ZNF177: variants seen among roughly 807,000 people sequenced by gnomAD.
ZNF177 encodes the protein zinc finger protein 177.
In ZNF177, 17 loss-of-function variants were observed where a neutral mutation model predicts 19.4. The ratio of observed to expected loss-of-function variants is 0.87; its 90% CI spans 0.60 to 1.31. The LOEUF is 1.31. Ranked by LOEUF, ZNF177 falls within the 40% of genes most tolerant of loss-of-function variation. The pLI is 0.00. For synonymous variants in ZNF177, 220 were observed against 188.7 expected (o/e 1.17, Z -1.36); for missense variants, 633 against 561.8 (o/e 1.13, Z -1.28).
exon 6 of ZNF177, chr19:9,382,047 TC>T (rs1405316312): frequency 4.4e-6 from 2 of 458,946 alleles, no homozygotes; most frequent in African/African-American, 2.0e-5. Context: ...CACATGGTCT[TC>T]AATATGTAGA....
chr19:9,380,956 T>C (rs1372923846), exon 6 of ZNF177: 2 of 1,538,806 alleles, frequency 1.3e-6, no homozygotes, highest in African/African-American at 1.4e-5. Context: ...GTATGAGCAA[T>C]GTGATATGTC....
At chr19:9,380,558 G>A in intron 5 of ZNF177, 110 bp from the exon 8 acceptor site, 1 of 1,531,776 alleles carries the variant, frequency 6.5e-7, no homozygotes. Context: ...ACACATGTCA[G>A]TCATGATCAT....
chr19:9,373,855 A>G (rs73508726), upstream of ZNF177, among the ~76,000 whole-genome samples: 2,555 of 151,892 alleles, frequency 0.017, 70 homozygotes, highest in African/African-American at 0.058. Context: ...CTCCCATTCC[A>G]TAAGGTTGCT....
intron 1 of ZNF177, among the ~76,000 whole-genome samples, chr19:9,377,305 C>T (rs1219547414): frequency 6.6e-6 from 1 of 152,026 alleles, no homozygotes; most frequent in Non-Finnish European, 1.5e-5. Context: ...TAATAAGTGA[C>T]CACATTACTG....
At position 9,379,908 on chromosome 19, in the gene ZNF177, T is replaced by G. The variant is rs569972435; in HGVS notation, c.254-149T>G. The stretch of plus-strand genomic sequence containing the variant: ...CTCCCATTTCTACTGCTTGTTCCTA[T>G]CACTGGTGAATCACTGGTTGTGTCT... On this transcript the variant is annotated intron_variant, in intron 4 of 5. Transcript: ENST00000589262. The G allele has an allele frequency of 6.2e-6, 6 of 965,878 alleles. No individual in the cohort carries two copies. In the East Asian group the frequency reaches 1.6e-4, roughly 26 times the overall value. 59.8% of individuals were successfully genotyped at this position (965,878 alleles called of 1,614,324 possible).
upstream of ZNF177, among the ~76,000 whole-genome samples, chr19:9,375,140 A>G (rs1166226436): frequency 2.6e-5 from 4 of 152,202 alleles, no homozygotes; most frequent in Admixed American, 6.5e-5. Context: ...GATGTATCAC[A>G]TTGATTTTGC....
chr19:9,370,250 CCA>C (rs776188493), intron 2 of ZNF177, among the ~76,000 whole-genome samples: 3 of 152,096 alleles, frequency 2.0e-5, no homozygotes, highest in Non-Finnish European at 4.4e-5. Context: ...CTTCCAAATT[CCA>C]CAGTCACAAA....
rs1227175414 is a variant in ZNF177, at chr19:9,379,421, G to T, written c.161-106G>T. ...TTTTGTTGTTCCTAAAGCTGCACTT[G>T]ACTATTTTAATAATCCTTTAGTTAA... On this transcript the variant is annotated intron_variant, in intron 3 of 5. Transcript: ENST00000589262. The T allele has an allele frequency of 1.1e-5, 15 of 1,402,270 alleles. No homozygotes were observed. In the East Asian group the frequency reaches 3.7e-4, roughly 35 times the overall value. The allele number at this position is 1,402,270 out of a possible 1,614,324, so 86.9% of individuals were successfully genotyped here.
chr19:9,371,072 C>T (rs923061007), intron 2 of ZNF177, among the ~76,000 whole-genome samples: 2 of 152,192 alleles, frequency 1.3e-5, no homozygotes, highest in Admixed American at 1.3e-4. Flanking sequence ...TTGAATAATG[C>T]TGGGTTTTCC....
chr19:9,373,059 C>G (rs953401053), upstream of ZNF177, among the ~76,000 whole-genome samples: 3 of 152,148 alleles, frequency 2.0e-5, no homozygotes, highest in Non-Finnish European at 2.9e-5. Context: ...TACAGTACAT[C>G]ATTAACTATA....
chr19:9,381,184 G>A, exon 6 of ZNF177: 1 of 1,614,198 alleles, frequency 6.2e-7, no homozygotes, highest in East Asian at 2.2e-5. Flanking sequence ...GATGCCCTAT[G>A]AATGCAGTGA....
intron 1 of ZNF177, among the ~76,000 whole-genome samples, 160 bp from the exon 2 acceptor site, chr19:9,364,702 G>T (rs2067954069): frequency 6.6e-6 from 1 of 152,166 alleles, no homozygotes; most frequent in Admixed American, 6.5e-5. Context: ...GCTGAAAGGG[G>T]TGTCTTGTAC....
exon 6 of ZNF177, chr19:9,381,228 TAAG>T (rs776719609): frequency 8.1e-6 from 13 of 1,613,974 alleles, no homozygotes; most frequent in African/African-American, 4.0e-5. Context: ...AGTCTTCCCT[TAAG>T]AAACACATGA....
At chr19:9,382,537 CT>C, downstream of ZNF177, 1 of 396,810 alleles carries the variant, frequency 2.5e-6, no homozygotes, top group Non-Finnish European at 4.4e-6. Flanking sequence ...TTAAACCACT[CT>C]TGTGGGAAGT....
At chr19:9,380,244 G>A (rs2068173900) in intron 5 of ZNF177, 105 bp downstream of exon 7, 2 of 1,320,740 alleles carry the variant, frequency 1.5e-6, no homozygotes, top group Non-Finnish European at 2.0e-6. Context: ...TCAGGCACCA[G>A]GCTTTCACCA....
At chr19:9,382,574 A>C (rs1023063845), downstream of ZNF177, 19 of 395,046 alleles carry the variant, frequency 4.8e-5, no homozygotes, top group African/African-American at 3.5e-4. Context: ...TTTCAGTCCC[A>C]ACTGTTACAT....
intron 1 of ZNF177, 194 bp downstream of exon 1, chr19:9,363,278 G>C (rs757425054): frequency 6.6e-6 from 1 of 152,312 alleles, no homozygotes; most frequent in Non-Finnish European, 1.5e-5. Context: ...CCGGGCATTG[G>C]TTCCCGGGAG....
At chr19:9,370,388 G>A (rs566777857) in intron 2 of ZNF177, among the ~76,000 whole-genome samples, 1 of 150,400 alleles carries the variant, frequency 6.6e-6, no homozygotes, top group African/African-American at 2.4e-5. Flanking sequence ...TACAATAAGT[G>A]TTATGTAAGT....
At chr19:9,379,728 T>A (rs993711809) in intron 4 of ZNF177, 109 bp downstream of exon 6, 2 of 1,307,356 alleles carry the variant, frequency 1.5e-6, no homozygotes, top group Non-Finnish European at 2.1e-6. Flanking sequence ...TGAGCTTCCT[T>A]CCTGTTTCAC....
Sources: allele counts gnomAD v4.1 joint callset (sites outside exome capture counted in the v4.1 genomes callset), GRCh38; gene constraint gnomAD v4.1.1; transcripts MANE v1.5; gene names NCBI Gene and HGNC (gene_info 2026-07-23, HGNC 2026-07-21).